Variants in VPS53 observed in about 807,000 individuals in gnomAD.
VPS53 encodes VPS53 subunit of GARP complex.
VPS53 carries 70 observed loss-of-function variants against 107.0 expected under a neutral mutation model. That is an observed-to-expected ratio of 0.65 (90% CI 0.54 to 0.80). The LOEUF (loss-of-function observed/expected upper bound fraction) is 0.80. Ranked by LOEUF, VPS53 falls within the 30% of genes least tolerant of loss-of-function variation. The pLI, the probability that VPS53 is intolerant of heterozygous loss-of-function variation, is 0.00. For missense variants in VPS53, 917 were observed against 1,049.4 expected, an observed-to-expected ratio of 0.87 and a Z score of 1.74; for synonymous variants, 409 against 393.3, an observed-to-expected ratio of 1.04 and a Z score of -0.47.
chr17:609,186 C>T (rs1036786205), intron 11 of VPS53, among the ~76,000 whole-genome samples: 1 of 152,182 alleles, frequency 6.6e-6, no homozygotes, highest in African/African-American at 2.4e-5. Flanking sequence ...TCTTCCCCTT[C>T]CCAACCCCAT....
intron 14 of VPS53, 117 bp from the exon 15 acceptor site, chr17:560,690 A>C: frequency 8.5e-7 from 1 of 1,178,546 alleles, no homozygotes; most frequent in Non-Finnish European, 1.2e-6. Flanking sequence ...CATGGCCCAA[A>C]TCAATTCACA....
chr17:551,675 A>G, intron 17 of VPS53, 197 bp downstream of exon 17: 2 of 403,550 alleles, frequency 5.0e-6, no homozygotes, highest in Non-Finnish European at 4.5e-6. Flanking sequence ...GCTCTGTCTC[A>G]TTCTAAAAGG....
intron 17 of VPS53, among the ~76,000 whole-genome samples, chr17:542,426 C>A (rs1381932417): frequency 6.6e-6 from 1 of 152,154 alleles, no homozygotes; most frequent in Non-Finnish European, 1.5e-5. Flanking sequence ...TTTCTCTGAG[C>A]CTCAGTATTC....
chr17:672,877 C>T (rs1163360420), intron 4 of VPS53, among the ~76,000 whole-genome samples: 1 of 152,164 alleles, frequency 6.6e-6, no homozygotes, highest in Non-Finnish European at 1.5e-5. Flanking sequence ...CTGTGGGAGG[C>T]TGAGGAAGGT....
chr17:684,658 C>A (rs1446599338), intron 4 of VPS53, among the ~76,000 whole-genome samples: 1 of 152,114 alleles, frequency 6.6e-6, no homozygotes, highest in Non-Finnish European at 1.5e-5. Context: ...CAATCCCAAT[C>A]AAAGTCCCAG....
intron 3 of VPS53, 21 bp from the exon 4 acceptor site, chr17:697,505 T>C: frequency 1.3e-6 from 2 of 1,584,802 alleles, no homozygotes; most frequent in Non-Finnish European, 1.7e-6. Context: ...AGTTCAAGGA[T>C]ACAGTCATTC....
rs534279557 is a variant in VPS53 at position 681,774 on chromosome 17, C to T, written c.285+15644G>A. Among the ~76,000 whole-genome samples the T allele has an allele frequency of 3.3e-5, 5 of 152,270 alleles. No homozygotes were observed. The South Asian group carries it at 1.0e-3, about 32-fold the overall frequency. ...TGGAGGCACCAGGAGATCTGGTGCCCAGTGAGGGCCCTTTCCTCACAGACG... is the reference window on the plus strand; with the variant it reads ...TGGAGGCACCAGGAGATCTGGTGCCTAGTGAGGGCCCTTTCCTCACAGACG... On this transcript the variant is annotated intron_variant, in intron 4 of 21. Coordinates refer to ENST00000437048, the MANE Select transcript of VPS53 (RefSeq NM_001128159.3).
intron 11 of VPS53, among the ~76,000 whole-genome samples, chr17:606,444 T>G (rs1026455031): frequency 2.0e-5 from 3 of 152,092 alleles, no homozygotes; most frequent in Non-Finnish European, 2.9e-5. Context: ...GGATGAGGCA[T>G]GCGTGTCAGG....
chr17:510,594 C>T lies in VPS53; in HGVS notation c.*8534G>A, dbSNP rs114779858. On this transcript the variant is annotated 3_prime_UTR_variant, in exon 22 of 22. Coordinates refer to ENST00000437048, the MANE Select transcript of VPS53 (RefSeq NM_001128159.3). The stretch of plus-strand genomic sequence containing the variant: ...TTACCCTCTTTGAGCCTCCAAGTCC[C>T]GTCCACTAAACGGAGCTTAACTTAG... The T allele has an allele frequency of 0.014, 2,165 of 153,950 alleles. 47 individuals carry two copies. The highest frequency in any genetic ancestry group is 0.038 in the African/African-American group (1,564 of 41,338). The allele number at this position is 153,950 out of a possible 1,614,324, so 9.5% of individuals were successfully genotyped here. A position where few individuals can be genotyped will look rare whatever the true frequency, so the allele number is the denominator to read the frequency against.
chr17:652,382 C>T (rs956334879), intron 7 of VPS53, among the ~76,000 whole-genome samples: 10 of 152,200 alleles, frequency 6.6e-5, no homozygotes, highest in Admixed American at 3.9e-4. Flanking sequence ...ACATTCCTCC[C>T]GTTAGTGGGT....
chr17:523,490 T>C (rs1183212369), intron 19 of VPS53: 1 of 152,256 alleles, frequency 6.6e-6, no homozygotes, highest in Non-Finnish European at 1.5e-5. Flanking sequence ...ATTTCCTATT[T>C]ACTTTGCTTT....
At chr17:679,244 G>A (rs1293708367) in intron 4 of VPS53, among the ~76,000 whole-genome samples, 7 of 151,940 alleles carry the variant, frequency 4.6e-5, no homozygotes, top group African/African-American at 1.2e-4. Context: ...GGCCAGATGC[G>A]GTGGCTCACA....
Position 653,287 on chromosome 17 carries a change from T to C in VPS53, c.608+4A>G. On this transcript the variant is annotated splice_donor_region_variant and intron_variant, in intron 7 of 21. Transcript: ENST00000437048. ...CATATACTTTCCCTCTGGTGACAGT[T>C]TACCTTTCGGAAAGCTGCCGGATCT... The C allele has an allele frequency of 6.2e-7, 1 of 1,613,948 alleles. No homozygotes were observed. The highest frequency in any genetic ancestry group is 8.5e-7 in the Non-Finnish European group (1 of 1,179,982).
chr17:544,040 A>AG, intron 17 of VPS53, among the ~76,000 whole-genome samples: 1 of 109,686 alleles, frequency 9.1e-6, no homozygotes, highest in South Asian at 2.4e-4. Context: ...GGAGGGAGGG[A>AG]GGAAGGGAGG....
At chr17:549,408 A>G (rs1597282181) in intron 17 of VPS53, among the ~76,000 whole-genome samples, 1 of 151,876 alleles carries the variant, frequency 6.6e-6, no homozygotes, top group African/African-American at 2.4e-5. Flanking sequence ...TGGTTTTCCT[A>G]TGATATAAAC....
Position 631,588 on chromosome 17 carries a change from C to A in VPS53, c.649G>T (p.Ala217Ser), listed in dbSNP as rs1969963326. The change falls in exon 8 of 22, where the codon GCA becomes TCA. Residue 217 changes from alanine (A) to serine (S), a missense_variant. By Grantham distance (99) the Ala-to-Ser change is moderately conservative. Transcript: ENST00000437048. ...AQTELGQQIL[A>S]DFEEAFPSQG... ...GAAGGAAACGCTTCTTCAAAATCTGCCAGGATTTGCTGTCCTAACTCAGTC... is the reference window on the plus strand; with the variant it reads ...GAAGGAAACGCTTCTTCAAAATCTGACAGGATTTGCTGTCCTAACTCAGTC... 6.2e-7 allele frequency: 1 copy of A among 1,614,026 alleles called. No homozygotes were observed.
rs370220342 is a variant in VPS53 at position 520,829 on chromosome 17, G to T, written c.2223+772C>A. On this transcript the variant is annotated intron_variant, in intron 20 of 21. Coordinates refer to ENST00000437048, the MANE Select transcript of VPS53 (RefSeq NM_001128159.3). This position sits in a 1 kb window ranked among gnomAD's most constrained non-coding sequence, Gnocchi z 4.4. ...TGAGCTGCTTCACCCTCACCTACAT[G>T]AGCTGCTTCACCCTCACCTACATGA... 2.9e-3 allele frequency among the ~76,000 whole-genome samples: 444 copies of T among 151,130 alleles called. 4 individuals are homozygous for T. Among genetic ancestry groups the T allele is most frequent in the African/African-American group, 0.01 (426 of 41,112 alleles).
Position 627,287 on chromosome 17 carries a change from G to C in VPS53, c.861C>G (p.Arg287=). The part of the protein sequence containing the change: ...DVAWLDKIDR[R]YAWIKRQLVD... ...CAAGCTGGCGTTTTATCCAGGCATA[G>C]CGTCTGTCGATTTTGTCCAGCCAGG... Residue 287 remains arginine, a synonymous_variant, in exon 10 of 22, where the codon CGC becomes CGG. Transcript: ENST00000437048. The C allele has an allele frequency of 6.2e-7, 1 of 1,613,900 alleles. No homozygotes were observed. Among genetic ancestry groups the C allele is most frequent in the Non-Finnish European group, 8.5e-7 (1 of 1,179,962 alleles).
chr17:713,638 C>T (rs1228787836), intron 1 of VPS53, among the ~76,000 whole-genome samples: 1 of 151,008 alleles, frequency 6.6e-6, no homozygotes, highest in Admixed American at 6.6e-5. Context: ...GGCGAAAGAG[C>T]GAGACTCCGT....
Sources: gnomAD v4.1 joint callset for allele counts (sites outside exome capture counted in the v4.1 genomes callset) on GRCh38, gnomAD v4.1.1 for gene constraint, Gnocchi (gnomAD v3.1) non-coding constraint, MANE v1.5 for transcripts, NCBI Gene and HGNC (gene_info 2026-07-23, HGNC 2026-07-21) for gene names.